CSMD1: variants seen among roughly 807,000 people sequenced by gnomAD.
CSMD1 encodes CUB and Sushi multiple domains 1, also known as CUB and sushi domain-containing protein 1.
A neutral mutation model predicts 417.5 loss-of-function variants in CSMD1; 213 were observed. The observed-to-expected ratio is 0.51, with a 90% confidence interval of 0.46 to 0.57. CSMD1 has a LOEUF of 0.57. CSMD1 is among the 20% of genes least tolerant of loss of function. The pLI is 0.00. For synonymous variants in CSMD1, 2,862 were observed against 1,736.8 expected (o/e 1.65, Z -16.11); for missense variants, 6,923 against 4,529.7 (o/e 1.53, Z -15.17).
At chr8:4,639,251 AT>A (rs34704649) in intron 1 of CSMD1, among the ~76,000 whole-genome samples, 7,490 of 131,324 alleles carry the variant, frequency 0.057, 207 homozygotes, top group East Asian at 0.11. Context: ...GTGGTTGTCA[AT>A]TTTTTTTTTT....
intron 1 of CSMD1, among the ~76,000 whole-genome samples, chr8:4,936,868 G>C (rs918720222): frequency 1.3e-5 from 2 of 151,996 alleles, no homozygotes; most frequent in Non-Finnish European, 2.9e-5. Context: ...ATTTTGACTA[G>C]GTTTTTTGTT....
intron 1 of CSMD1, among the ~76,000 whole-genome samples, chr8:4,824,581 G>C (rs899534973): frequency 2.0e-5 from 3 of 152,170 alleles, no homozygotes; most frequent in Non-Finnish European, 4.4e-5. Context: ...AAACAAGACA[G>C]TCTTTCAATT....
chr8:4,954,188 A>G (rs1808932288), intron 1 of CSMD1, among the ~76,000 whole-genome samples: 1 of 152,210 alleles, frequency 6.6e-6, no homozygotes, highest in Non-Finnish European at 1.5e-5. Flanking sequence ...AACAAACAGA[A>G]AACACATTAT....
chr8:4,903,099 T>A (rs967524109), intron 1 of CSMD1, among the ~76,000 whole-genome samples: 27 of 152,030 alleles, frequency 1.8e-4, no homozygotes, highest in Non-Finnish European at 3.8e-4. Flanking sequence ...CATACACTGT[T>A]CCACTGATAT....
At chr8:3,792,321 AGAT>A (rs1799797264) in intron 5 of CSMD1, among the ~76,000 whole-genome samples, 1 of 152,098 alleles carries the variant, frequency 6.6e-6, no homozygotes, top group African/African-American at 2.4e-5. Context: ...ACTTCCTGGG[AGAT>A]AATAATAATA....
chr8:3,674,372 T>G (rs1466207356), intron 7 of CSMD1, among the ~76,000 whole-genome samples: 1 of 152,136 alleles, frequency 6.6e-6, no homozygotes, highest in African/African-American at 2.4e-5. Flanking sequence ...CATCACGAGC[T>G]AAGTAGAAGC....
chr8:4,639,391 A>G (rs1199900193), intron 1 of CSMD1, among the ~76,000 whole-genome samples: 1 of 151,970 alleles, frequency 6.6e-6, no homozygotes, highest in African/African-American at 2.4e-5. Context: ...TGCTCTCATA[A>G]ACACACTCTG....
At chr8:3,598,720 G>A (rs1385207089) in intron 8 of CSMD1, among the ~76,000 whole-genome samples, 1 of 152,164 alleles carries the variant, frequency 6.6e-6, no homozygotes, top group East Asian at 1.9e-4. Flanking sequence ...CCCTAGAGAT[G>A]GCTCCAGGTA....
At chr8:2,999,084 T>C (rs1413710505) in intron 53 of CSMD1, among the ~76,000 whole-genome samples, 1 of 152,100 alleles carries the variant, frequency 6.6e-6, no homozygotes, top group Non-Finnish European at 1.5e-5. Flanking sequence ...TTACAATATT[T>C]ATCGCTGAAG....
At chr8:4,676,266 C>A (rs1377126973) in intron 1 of CSMD1, among the ~76,000 whole-genome samples, 1 of 152,058 alleles carries the variant, frequency 6.6e-6, no homozygotes, top group Non-Finnish European at 1.5e-5. Context: ...ATGACACCCT[C>A]CCTCTATATA....
intron 5 of CSMD1, among the ~76,000 whole-genome samples, chr8:3,931,195 A>C (rs991322172): frequency 6.6e-6 from 1 of 150,806 alleles, no homozygotes; most frequent in African/African-American, 2.4e-5. Flanking sequence ...ATATCCATTT[A>C]GGAAGACACT....
intron 25 of CSMD1, among the ~76,000 whole-genome samples, chr8:3,301,992 T>G (rs533936238): frequency 6.6e-6 from 1 of 152,194 alleles, no homozygotes; most frequent in African/African-American, 2.4e-5. Context: ...TCAAAAGAAT[T>G]CCATGAGCTG....
chr8:4,219,068 T>C (rs1352334418), intron 3 of CSMD1, among the ~76,000 whole-genome samples: 1 of 152,192 alleles, frequency 6.6e-6, no homozygotes, highest in Non-Finnish European at 1.5e-5. Context: ...GTACACCGTC[T>C]ACTCTATCAC....
In CSMD1 at chr8:3,369,472, A is replaced by T. The variant is rs6984628; in HGVS notation, c.2783-102T>A. ...CATGCAATTTGCACAAGGATTAACA[A>T]ATTTAATGTCATATCCAAGAAAAAC... On this transcript the variant is annotated intron_variant, in intron 18 of 69. Transcript: ENST00000635120. 7 of 636,156 alleles carry T rather than the reference A, an allele frequency of 1.1e-5. No individual in the cohort carries two copies. The African/African-American group carries it at 1.3e-4, about 12-fold the overall frequency. The allele number at this position is 636,156 out of a possible 1,614,324, so 39.4% of individuals were successfully genotyped here.
chr8:4,047,251 T>A, intron 3 of CSMD1, among the ~76,000 whole-genome samples: 1 of 151,998 alleles, frequency 6.6e-6, no homozygotes, highest in Non-Finnish European at 1.5e-5. Context: ...GTCATCTAAG[T>A]GGTAGGCACA....
At chr8:3,905,215 G>A (rs1304460199) in intron 5 of CSMD1, among the ~76,000 whole-genome samples, 1 of 152,026 alleles carries the variant, frequency 6.6e-6, no homozygotes, top group Non-Finnish European at 1.5e-5. Context: ...TATTTTTTCT[G>A]CATAATATAA....
intron 1 of CSMD1, among the ~76,000 whole-genome samples, chr8:4,820,453 G>C (rs1336145547): frequency 6.6e-6 from 1 of 152,122 alleles, no homozygotes; most frequent in Non-Finnish European, 1.5e-5. Context: ...TTTCTGCACT[G>C]GTTTTCCTGT....
intron 26 of CSMD1, among the ~76,000 whole-genome samples, chr8:3,253,154 T>G (rs2117042909): frequency 6.6e-6 from 1 of 152,304 alleles, no homozygotes; most frequent in East Asian, 1.9e-4. Flanking sequence ...CTGCTTTCTC[T>G]TGTGGGCATT....
chr8:3,807,457 A>T (rs1399143888), intron 5 of CSMD1, among the ~76,000 whole-genome samples: 1 of 152,182 alleles, frequency 6.6e-6, no homozygotes, highest in African/African-American at 2.4e-5. Context: ...AAAGGCAAAG[A>T]TCACTGAGCC....
Sources: gnomAD v4.1 joint callset for allele counts (sites outside exome capture counted in the v4.1 genomes callset) on GRCh38, gnomAD v4.1.1 for gene constraint, MANE v1.5 for transcripts, NCBI Gene and HGNC (gene_info 2026-07-23, HGNC 2026-07-21) for gene names.